BTBD9: variants seen among roughly 807,000 people sequenced by gnomAD.
BTBD9 encodes the protein BTB domain containing 9.
In BTBD9, 49 loss-of-function variants were observed where a neutral mutation model predicts 64.3. That is an observed-to-expected ratio of 0.76 (90% CI 0.61 to 0.97). BTBD9 has a LOEUF of 0.97. Among genes scored for constraint, BTBD9 ranks in the 50% least tolerant of loss-of-function variants. BTBD9 has a pLI of 0.00. For missense variants in BTBD9, 598 were observed against 762.1 expected (o/e 0.78, Z 2.53); for synonymous variants, 260 against 274.7 (o/e 0.95, Z 0.53).
chr6:38,427,294 A>G (rs1378091897), intron 6 of BTBD9, among the ~76,000 whole-genome samples: 1 of 151,934 alleles, frequency 6.6e-6, no homozygotes, highest in Non-Finnish European at 1.5e-5. Context: ...GTTTGAGACC[A>G]GCCTGGGCAA....
intron 4 of BTBD9, chr6:38,588,059 C>G: frequency 1.4e-6 from 1 of 725,826 alleles, no homozygotes; most frequent in Non-Finnish European, 2.6e-6. Flanking sequence ...GACTGAAAGT[C>G]AGCTGTATCA....
intron 6 of BTBD9, among the ~76,000 whole-genome samples, chr6:38,551,815 G>T (rs762043891): frequency 6.6e-6 from 1 of 152,188 alleles, no homozygotes; most frequent in African/African-American, 2.4e-5. Flanking sequence ...TGTGGAGAAC[G>T]GATTAGAAAA....
intron 9 of BTBD9, among the ~76,000 whole-genome samples, chr6:38,222,428 T>A (rs1371099648): frequency 6.6e-6 from 1 of 151,834 alleles, no homozygotes; most frequent in Non-Finnish European, 1.5e-5. Flanking sequence ...GCCCATCTAA[T>A]TTTTGTATTT....
chr6:38,255,963 A>G (rs1764563530), intron 9 of BTBD9, among the ~76,000 whole-genome samples: 1 of 152,014 alleles, frequency 6.6e-6, no homozygotes, highest in Non-Finnish European at 1.5e-5. Flanking sequence ...AGAAATACCT[A>G]ATGTAAATGA....
chr6:38,183,466 G>A (rs1430273233), intron 10 of BTBD9, among the ~76,000 whole-genome samples: 4 of 152,086 alleles, frequency 2.6e-5, no homozygotes, highest in African/African-American at 7.2e-5. Context: ...CACCAGTGCC[G>A]AGGCCCCCTC....
At chr6:38,298,551 G>A (rs1424532319) in intron 7 of BTBD9, among the ~76,000 whole-genome samples, 1 of 152,038 alleles carries the variant, frequency 6.6e-6, no homozygotes, top group Non-Finnish European at 1.5e-5. Context: ...ACAATACATT[G>A]TTATTAACTG....
chr6:38,596,065 T>C, intron 2 of BTBD9: 1 of 985,212 alleles, frequency 1.0e-6, no homozygotes, highest in Non-Finnish European at 1.2e-6. Flanking sequence ...CAATTCCTTA[T>C]CTGGGAATTG....
intron 6 of BTBD9, among the ~76,000 whole-genome samples, chr6:38,430,191 T>G (rs567742692): frequency 2.0e-5 from 3 of 152,056 alleles, no homozygotes; most frequent in African/African-American, 7.3e-5. Flanking sequence ...TTTTCCTTAT[T>G]ATTCAGAATG....
chr6:38,376,028 T>G (rs1765684949), intron 6 of BTBD9, among the ~76,000 whole-genome samples: 1 of 152,078 alleles, frequency 6.6e-6, no homozygotes, highest in African/African-American at 2.4e-5. Context: ...ATATGTCATG[T>G]TCAATATAAC....
At chr6:38,553,943 G>A (rs1054366663) in intron 6 of BTBD9, among the ~76,000 whole-genome samples, 26 of 151,440 alleles carry the variant, frequency 1.7e-4, no homozygotes, top group African/African-American at 6.3e-4. Flanking sequence ...TTTTCATACT[G>A]GACACATGAA....
chr6:38,264,410 A>T (rs1764900781), intron 8 of BTBD9, among the ~76,000 whole-genome samples: 1 of 152,180 alleles, frequency 6.6e-6, no homozygotes, highest in African/African-American at 2.4e-5. Context: ...AAGGTGAGGG[A>T]GAGAGGTAAG....
intron 1 of BTBD9, among the ~76,000 whole-genome samples, chr6:38,606,310 A>G (rs1777431599): frequency 6.6e-6 from 1 of 152,096 alleles, no homozygotes; most frequent in African/African-American, 2.4e-5. Flanking sequence ...CATCTATCCT[A>G]TCAATCCTGT....
intron 6 of BTBD9, among the ~76,000 whole-genome samples, chr6:38,470,539 T>C (rs1169442160): frequency 6.6e-6 from 1 of 152,228 alleles, no homozygotes; most frequent in Non-Finnish European, 1.5e-5. Context: ...AAAAGGACCT[T>C]TGTGGAAATC....
chr6:38,565,486 G>T (rs1775450954), intron 6 of BTBD9, among the ~76,000 whole-genome samples: 1 of 149,318 alleles, frequency 6.7e-6, no homozygotes, highest in South Asian at 2.1e-4. Context: ...AAAACCATCT[G>T]ATCAAAACTC....
intron 6 of BTBD9, among the ~76,000 whole-genome samples, chr6:38,557,828 GACAATGTATAAC>G (rs1347540067): frequency 6.6e-6 from 1 of 152,202 alleles, no homozygotes; most frequent in Admixed American, 6.5e-5. Flanking sequence ...CTTTCTCAGT[GACAATGTATAAC>G]ACAACCAACT....
chr6:38,369,732 G>A (rs530189582), intron 6 of BTBD9, among the ~76,000 whole-genome samples: 15 of 152,290 alleles, frequency 9.8e-5, no homozygotes, highest in South Asian at 4.1e-4. Flanking sequence ...TTCTGGTGCC[G>A]CGCTACCTGT....
At chr6:38,257,822 G>A (rs967723387) in intron 8 of BTBD9, among the ~76,000 whole-genome samples, 10 of 152,126 alleles carry the variant, frequency 6.6e-5, no homozygotes, top group Middle Eastern at 3.4e-3. Context: ...GGGAGGTATC[G>A]ACTAGGAAAG....
chr6:38,215,416 G>T (rs1430689071), intron 9 of BTBD9, among the ~76,000 whole-genome samples: 1 of 152,230 alleles, frequency 6.6e-6, no homozygotes, highest in Non-Finnish European at 1.5e-5. Flanking sequence ...TTACCCACGC[G>T]CGAGTGAACA....
intron 8 of BTBD9, among the ~76,000 whole-genome samples, chr6:38,275,871 G>C (rs1761215865): frequency 6.6e-6 from 1 of 151,942 alleles, no homozygotes; most frequent in African/African-American, 2.4e-5. Context: ...AGGATGTGGA[G>C]AAATAGGAAC....
Sources: allele counts gnomAD v4.1 joint callset (sites outside exome capture counted in the v4.1 genomes callset), GRCh38; gene constraint gnomAD v4.1.1; transcripts MANE v1.5; gene names NCBI Gene and HGNC (gene_info 2026-07-23, HGNC 2026-07-21).